TENM2: variants seen among roughly 807,000 people sequenced by gnomAD.
TENM2 encodes teneurin-2.
TENM2 carries 52 observed loss-of-function variants against 245.2 expected under a neutral mutation model. That is an observed-to-expected ratio of 0.21 (90% CI 0.17 to 0.27). The LOEUF (loss-of-function observed/expected upper bound fraction) is 0.27. Among genes scored for constraint, TENM2 ranks in the 10% least tolerant of loss-of-function variants. The pLI, the probability that TENM2 is intolerant of heterozygous loss-of-function variation, is 1.00. For synonymous variants in TENM2, 1,363 were observed against 1,438.9 expected, an observed-to-expected ratio of 0.95 and a Z score of 1.19; for missense variants, 3,046 against 3,666.8, an observed-to-expected ratio of 0.83 and a Z score of 4.37.
exon 11 of TENM2, chr5:168,125,036 C>A (rs775635494): frequency 6.2e-7 from 1 of 1,607,560 alleles, no homozygotes; most frequent in Non-Finnish European, 8.5e-7. Context: ...TGGATGGGTC[C>A]CGACTGCTCT....
intron 2 of TENM2, among the ~76,000 whole-genome samples, chr5:167,488,437 T>C (rs1439324442): frequency 1.3e-5 from 2 of 152,176 alleles, no homozygotes; most frequent in Non-Finnish European, 2.9e-5. Context: ...CTTAGTCTCA[T>C]CTTACTGGAC....
At chr5:167,137,704 T>C in the TENM2 span, among the ~76,000 whole-genome samples, 9 of 152,340 alleles carry the variant, frequency 5.9e-5, no homozygotes, top group African/African-American at 2.2e-4. Flanking sequence ...GAATGCAGAC[T>C]CATAGTTGTG....
At chr5:167,212,388 T>C in the TENM2 span, among the ~76,000 whole-genome samples, 1 of 152,178 alleles carries the variant, frequency 6.6e-6, no homozygotes, top group Non-Finnish European at 1.5e-5. Context: ...AGAAAATAAA[T>C]GTGCCGCACA....
At chr5:167,280,455 C>T (rs941664775), upstream of TENM2, among the ~76,000 whole-genome samples, 2 of 152,150 alleles carry the variant, frequency 1.3e-5, no homozygotes, top group African/African-American at 2.4e-5. Context: ...GCTGAAAGTC[C>T]TGGCTCTCCT....
chr5:167,913,697 C>T (rs1414038893), intron 3 of TENM2, among the ~76,000 whole-genome samples: 8 of 152,184 alleles, frequency 5.3e-5, no homozygotes, highest in East Asian at 3.9e-4. Flanking sequence ...GGTTATATCT[C>T]GTTCTCCAGC....
intron 2 of TENM2, among the ~76,000 whole-genome samples, chr5:167,830,491 C>T (rs1426515331): frequency 6.6e-6 from 1 of 152,156 alleles, no homozygotes; most frequent in Non-Finnish European, 1.5e-5. Context: ...ATATCCTAAG[C>T]ACCTGCTTGG....
chr5:167,312,962 G>C (rs1310342660), intron 1 of TENM2, among the ~76,000 whole-genome samples: 1 of 149,868 alleles, frequency 6.7e-6, no homozygotes, highest in Non-Finnish European at 1.5e-5. Flanking sequence ...GAGTGCAGTG[G>C]TGTGATCTCA....
chr5:167,003,414 G>A, the TENM2 span, among the ~76,000 whole-genome samples: 1 of 152,146 alleles, frequency 6.6e-6, no homozygotes, highest in Non-Finnish European at 1.5e-5. Context: ...TTATGCAAAT[G>A]ATTTCTGCTG....
rs548934979 is a variant in TENM2 at position 168,211,711 on chromosome 5, C to T, written c.3825-23C>T. ...TCTGCTAACTGTTTGTTCTTTTTTC[C>T]TTTCTGTTTTCTTTCTATAAAGAAA... On this transcript the variant is annotated intron_variant, in intron 19 of 28. Coordinates refer to ENST00000518659, the Ensembl canonical transcript of TENM2. 3.1e-6 allele frequency: 4 copies of T among 1,280,674 alleles called. No individual in the cohort carries two copies. In the Admixed American group the frequency reaches 7.3e-5, roughly 24 times the overall value. The allele number at this position is 1,280,674 out of a possible 1,614,324, so 79.3% of individuals were successfully genotyped here. A position where few individuals can be genotyped will look rare whatever the true frequency, so the allele number is the denominator to read the frequency against.
At chr5:167,111,610 G>A in the TENM2 span, among the ~76,000 whole-genome samples, 2 of 152,096 alleles carry the variant, frequency 1.3e-5, no homozygotes, top group African/African-American at 4.8e-5. Flanking sequence ...ATTTAATGTT[G>A]TTTTTAATAA....
chr5:167,912,197 T>A (rs1776605891), intron 3 of TENM2, among the ~76,000 whole-genome samples: 1 of 152,176 alleles, frequency 6.6e-6, no homozygotes, highest in Admixed American at 6.5e-5. Context: ...TACTCTCTGC[T>A]TCTGTGAGGT....
chr5:167,265,685 C>T, the TENM2 span, among the ~76,000 whole-genome samples: 2 of 152,058 alleles, frequency 1.3e-5, no homozygotes, highest in Admixed American at 6.6e-5. Flanking sequence ...TGTATTGCTG[C>T]GTTATTGTCT....
intron 23 of TENM2, among the ~76,000 whole-genome samples, chr5:168,223,085 T>G (rs1763809296): frequency 6.6e-6 from 1 of 152,228 alleles, no homozygotes; most frequent in Admixed American, 6.5e-5. Context: ...AAGACGTTCC[T>G]TGGGGGAAGT....
chr5:168,068,845 T>TTGTGTG (rs34926603), intron 7 of TENM2, among the ~76,000 whole-genome samples: 24 of 150,598 alleles, frequency 1.6e-4, no homozygotes, highest in South Asian at 6.3e-4. Flanking sequence ...CTCTGTGTGT[T>TTGTGTG]TGTGTGTGTG....
intron 2 of TENM2, among the ~76,000 whole-genome samples, chr5:167,536,473 C>A (rs1365774935): frequency 6.6e-6 from 1 of 151,800 alleles, no homozygotes; most frequent in African/African-American, 2.4e-5. Context: ...AAAAAAATAA[C>A]CCTTTAAAAG....
chr5:167,922,935 G>A (rs573262571), intron 3 of TENM2, among the ~76,000 whole-genome samples: 1 of 152,336 alleles, frequency 6.6e-6, no homozygotes, highest in African/African-American at 2.4e-5. Context: ...CAGTAGAATG[G>A]CTTACAGGCC....
At chr5:167,151,477 A>T in the TENM2 span, among the ~76,000 whole-genome samples, 11 of 152,002 alleles carry the variant, frequency 7.2e-5, no homozygotes, top group Non-Finnish European at 1.5e-4. Flanking sequence ...AAACGCAAAA[A>T]CCTAAATATT....
chr5:167,516,552 T>C (rs943967410), intron 2 of TENM2, among the ~76,000 whole-genome samples: 2 of 152,174 alleles, frequency 1.3e-5, no homozygotes, highest in Non-Finnish European at 2.9e-5. Flanking sequence ...TTTGCATATA[T>C]ACAAAGACGT....
intron 13 of TENM2, among the ~76,000 whole-genome samples, chr5:168,177,465 C>T (rs765202255): frequency 2.0e-4 from 30 of 152,196 alleles, no homozygotes; most frequent in Non-Finnish European, 3.4e-4. Flanking sequence ...GAACACAGAT[C>T]AGCTGCCTCT....
Sources: gnomAD v4.1 joint callset for allele counts (sites outside exome capture counted in the v4.1 genomes callset) on GRCh38, gnomAD v4.1.1 for gene constraint, MANE v1.5 for transcripts, NCBI Gene and HGNC (gene_info 2026-07-23, HGNC 2026-07-21) for gene names.